Variants in TMEM14C observed in about 807,000 individuals in gnomAD.
TMEM14C encodes chromosome 6 open reading frame 53.
TMEM14C carries 13 observed loss-of-function variants against 14.8 expected under a neutral mutation model. That is an observed-to-expected ratio of 0.88 (90% CI 0.57 to 1.40). The LOEUF is 1.40. Among genes scored for constraint, TMEM14C ranks in the 40% most tolerant of loss-of-function variants. The probability of loss-of-function intolerance (pLI) is 0.00; values close to 1 mark genes in which losing one functional copy is unlikely to be tolerated. For missense variants in TMEM14C, 142 were observed against 138.8 expected, an observed-to-expected ratio of 1.02 and a Z score of -0.12; for synonymous variants, 57 against 51.3, an observed-to-expected ratio of 1.11 and a Z score of -0.48.
At chr6:10,726,773 G>A (rs1246438367) in intron 4 of TMEM14C, among the ~76,000 whole-genome samples, 2 of 152,334 alleles carry the variant, frequency 1.3e-5, no homozygotes, top group Middle Eastern at 3.4e-3. Context: ...GTGGGGGACC[G>A]AAGAGTCCTC....
chr6:10,725,326 A>G (rs551925007), intron 3 of TMEM14C, among the ~76,000 whole-genome samples: 2 of 151,494 alleles, frequency 1.3e-5, no homozygotes, highest in East Asian at 2.0e-4. Context: ...ATCAGCCACG[A>G]CCCCCAAGTG....
Position 10,724,564 on chromosome 6 carries a change from C to A in TMEM14C, c.-44-6C>A. On this transcript the variant is annotated splice_region_variant and splice_polypyrimidine_tract_variant and intron_variant, in intron 1 of 5. Transcript: ENST00000229563. ...AACTACCTCTGATCCAGCTTGTTTTCTGCAGGTGCAGGCCTGGGGTAGTCT... is the reference window on the plus strand; with the variant it reads ...AACTACCTCTGATCCAGCTTGTTTTATGCAGGTGCAGGCCTGGGGTAGTCT... 13 of 1,606,604 alleles carry A rather than the reference C, an allele frequency of 8.1e-6. No individual in the cohort carries two copies. The highest frequency in any genetic ancestry group is 1.1e-5 in the Non-Finnish European group (13 of 1,174,722).
In TMEM14C at chr6:10,728,742, T is replaced by G; in HGVS notation, c.287+15T>G. The G allele has an allele frequency of 6.2e-7, 1 of 1,614,196 alleles. No homozygotes were observed. Among genetic ancestry groups the G allele is most frequent in the Non-Finnish European group, 8.5e-7 (1 of 1,180,042 alleles). On this transcript the variant is annotated intron_variant, in intron 5 of 5. Transcript: ENST00000229563. ...GCAGGTGCCAGGTACTTTCATTCTA[T>G]TACTCTTCTTTACCATGTAGAGTTC...
rs767720179 is a variant in TMEM14C, at chr6:10,725,011, G to GT, written c.72dup (p.Gly25TrpfsTer82). The GT allele has an allele frequency of 6.2e-7, 1 of 1,614,206 alleles. No individual in the cohort carries two copies. The highest frequency in any genetic ancestry group is 1.1e-5 in the South Asian group (1 of 91,092). On this transcript the variant is annotated frameshift_variant, in exon 3 of 6. Coordinates refer to ENST00000229563, the MANE Select transcript of TMEM14C (RefSeq NM_016462.4). LOFTEE classifies it high-confidence loss of function. ...GGCTACGCAGCACTGGTTGCTTCTG[G>GT]TGGGATCATTGGCTATGTAAAAGCA...
chr6:10,728,989 C>A, intron 5 of TMEM14C: 1 of 749,184 alleles, frequency 1.3e-6, no homozygotes, highest in Non-Finnish European at 2.1e-6. Context: ...TATATGGTGG[C>A]AGAAGTTTTA....
At chr6:10,724,452 A>C (rs1770794876) in intron 1 of TMEM14C, 118 bp from the exon 2 acceptor site, 2 of 671,376 alleles carry the variant, frequency 3.0e-6, no homozygotes, top group Middle Eastern at 6.2e-4. Flanking sequence ...TGTTATCCTC[A>C]TGGTACAGTG....
At chr6:10,727,036 A>C (rs1770883530) in intron 4 of TMEM14C, among the ~76,000 whole-genome samples, 3 of 152,204 alleles carry the variant, frequency 2.0e-5, no homozygotes, top group African/African-American at 7.2e-5. Flanking sequence ...CTCATGCTCC[A>C]GAATGACTTG....
chr6:10,724,663 C>T, intron 2 of TMEM14C, 30 bp downstream of exon 2: 1 of 1,608,546 alleles, frequency 6.2e-7, no homozygotes, highest in South Asian at 1.1e-5. Flanking sequence ...ATGGAGTAGC[C>T]AGGAGCTTCT....
intron 5 of TMEM14C, among the ~76,000 whole-genome samples, chr6:10,730,174 AGGG>A (rs1770985572): frequency 6.6e-6 from 1 of 152,230 alleles, no homozygotes; most frequent in African/African-American, 2.4e-5. Context: ...TCCTGAAGGT[AGGG>A]GAATTTTTAA....
intron 5 of TMEM14C, among the ~76,000 whole-genome samples, chr6:10,729,701 C>T (rs536958659): frequency 6.6e-6 from 1 of 152,240 alleles, no homozygotes; most frequent in South Asian, 2.1e-4. Flanking sequence ...TTGCTTCAAC[C>T]TGGGAAGCGG....
At chr6:10,724,752 C>T (rs1770805962) in intron 2 of TMEM14C, 119 bp downstream of exon 2, 12 of 1,377,008 alleles carry the variant, frequency 8.7e-6, no homozygotes, top group Non-Finnish European at 1.2e-5. Flanking sequence ...ATGGGAGGAT[C>T]ACTGGACCTG....
chr6:10,730,698 G>A lies in TMEM14C; in HGVS notation c.*32G>A. On this transcript the variant is annotated 3_prime_UTR_variant, in exon 6 of 6. Transcript: ENST00000229563. The stretch of plus-strand genomic sequence containing the variant: ...TCATGTTCCAGCTTAGACTGATGAA[G>A]AATTAAAAATCTGCATCTTCCACTA... 2 of 1,558,792 alleles carry A rather than the reference G, an allele frequency of 1.3e-6. No homozygotes were observed. The highest frequency in any genetic ancestry group is 1.7e-6 in the Non-Finnish European group (2 of 1,146,588).
chr6:10,726,995 C>T (rs1770882642), intron 4 of TMEM14C, among the ~76,000 whole-genome samples: 1 of 152,102 alleles, frequency 6.6e-6, no homozygotes, highest in Non-Finnish European at 1.5e-5. Flanking sequence ...GAGGTGTGTC[C>T]AGGTCCCAGC....
Position 10,728,706 on chromosome 6 carries a change from C to T in TMEM14C, c.266C>T (p.Ala89Val), listed in dbSNP as rs200488333. ...TACCACTCTGGAAAATTCATGCCTGCAGGTTTAATTGCAGGTGCCAGGTAC... is the reference window on the plus strand; with the variant it reads ...TACCACTCTGGAAAATTCATGCCTGTAGGTTTAATTGCAGGTGCCAGGTAC... ...RFYHSGKFMP[A>V]GLIAGASLLM... is the part of the protein sequence containing the mutation. Residue 89 changes from alanine to valine, a missense_variant, in exon 5 of 6, where the codon GCA becomes GTA. Coordinates refer to ENST00000229563, the MANE Select transcript of TMEM14C (RefSeq NM_016462.4). 77 of 1,614,094 alleles carry T rather than the reference C, an allele frequency of 4.8e-5. No individual in the cohort carries two copies. Among genetic ancestry groups the T allele is most frequent in the Admixed American group, 1.7e-4 (10 of 60,000 alleles).
intron 1 of TMEM14C, 56 bp downstream of exon 1, chr6:10,723,297 A>G (rs1204190496): frequency 1.3e-5 from 2 of 152,188 alleles, no homozygotes; most frequent in African/African-American, 4.8e-5. Flanking sequence ...TTTAGGGATT[A>G]TTTAGGAGTT....
intron 4 of TMEM14C, among the ~76,000 whole-genome samples, chr6:10,727,103 A>G (rs1049892621): frequency 2.6e-5 from 4 of 152,086 alleles, no homozygotes; most frequent in Admixed American, 2.0e-4. Context: ...CCTCACGCCT[A>G]TTGTAGGGAA....
intron 5 of TMEM14C, among the ~76,000 whole-genome samples, chr6:10,730,271 T>C (rs1346821348): frequency 6.6e-6 from 1 of 152,138 alleles, no homozygotes; most frequent in East Asian, 1.9e-4. Context: ...AGCAAGGAAG[T>C]CAGTGTGGAG....
intron 3 of TMEM14C, among the ~76,000 whole-genome samples, chr6:10,725,468 C>A (rs1430442615): frequency 6.6e-6 from 1 of 152,084 alleles, no homozygotes; most frequent in Non-Finnish European, 1.5e-5. Flanking sequence ...GCCTGCATTC[C>A]CACCCCAACC....
At chr6:10,730,141 T>A (rs1303366165) in intron 5 of TMEM14C, among the ~76,000 whole-genome samples, 1 of 152,056 alleles carries the variant, frequency 6.6e-6, no homozygotes, top group Admixed American at 6.6e-5. Context: ...AAACAAAAAA[T>A]TTAGTTAAGT....
Sources: allele counts gnomAD v4.1 joint callset (sites outside exome capture counted in the v4.1 genomes callset), GRCh38; gene constraint gnomAD v4.1.1; transcripts MANE v1.5; gene names NCBI Gene and HGNC (gene_info 2026-07-23, HGNC 2026-07-21).